MELK: variants seen among roughly 807,000 people sequenced by gnomAD.
MELK encodes pEg3 kinase.
MELK carries 81 observed loss-of-function variants against 85.0 expected under a neutral mutation model. That is an observed-to-expected ratio of 0.95 (90% CI 0.80 to 1.15). The LOEUF is 1.15. Ranked by LOEUF, MELK falls within the 50% of genes most tolerant of loss-of-function variation. The pLI is 0.00. For synonymous variants in MELK, 252 were observed against 265.0 expected, an observed-to-expected ratio of 0.95 and a Z score of 0.48; for missense variants, 754 against 777.5, an observed-to-expected ratio of 0.97 and a Z score of 0.36.
chr9:36,669,502 A>G (rs1264514897), intron 15 of MELK, 96 bp downstream of exon 15: 2 of 872,342 alleles, frequency 2.3e-6, no homozygotes, highest in Non-Finnish European at 1.7e-6. Flanking sequence ...AAATCATCAC[A>G]TAGATTCTGT....
intron 4 of MELK, among the ~76,000 whole-genome samples, chr9:36,589,977 A>G (rs1215465948): frequency 5.7e-5 from 8 of 140,228 alleles, no homozygotes; most frequent in Non-Finnish European, 1.2e-4. Flanking sequence ...GCTGAAGTGC[A>G]GTGATGCCAT....
intron 7 of MELK, chr9:36,606,743 A>ATATATAATATATATAATAAATAATC (rs1825591092): frequency 6.8e-6 from 1 of 147,928 alleles, no homozygotes; most frequent in South Asian, 2.1e-4. Context: ...ACATATATAC[A>ATATATAATATATATAATAAATAATC]TATATAATAT....
chr9:36,618,958 TA>T (rs1240494973), intron 8 of MELK, among the ~76,000 whole-genome samples: 26 of 138,856 alleles, frequency 1.9e-4, no homozygotes, highest in African/African-American at 6.4e-4. Flanking sequence ...CAACTCTAAG[TA>T]TTTTTTTTTT....
chr9:36,591,652 C>G (rs1268376226), intron 4 of MELK, among the ~76,000 whole-genome samples: 1 of 151,884 alleles, frequency 6.6e-6, no homozygotes, highest in Non-Finnish European at 1.5e-5. Flanking sequence ...AGAGAGTGGC[C>G]GGGTGCAGTG....
intron 11 of MELK, among the ~76,000 whole-genome samples, 164 bp downstream of exon 11, chr9:36,643,247 G>C (rs939210677): frequency 6.6e-6 from 1 of 152,186 alleles, no homozygotes; most frequent in Non-Finnish European, 1.5e-5. Context: ...GCCAGGTGTG[G>C]TGGCACGTGC....
In MELK at chr9:36,589,463, A is replaced by C. The variant is rs935766931; in HGVS notation, c.145-73A>C. The C allele has an allele frequency of 5.7e-6, 7 of 1,235,700 alleles. No individual in the cohort carries two copies. The African/African-American group carries it at 1.0e-4, about 18-fold the overall frequency. The allele number at this position is 1,235,700 out of a possible 1,614,324, so 76.5% of individuals were successfully genotyped here. A position where few individuals can be genotyped will look rare whatever the true frequency, so the allele number is the denominator to read the frequency against. On this transcript the variant is annotated intron_variant, in intron 3 of 17. Transcript: ENST00000298048. ...TGCCCGGCCAGCTACTTAGTATTAAAGCTGTTAGTATTGGAGCTTGGAACA... is the reference window on the plus strand; with the variant it reads ...TGCCCGGCCAGCTACTTAGTATTAACGCTGTTAGTATTGGAGCTTGGAACA...
chr9:36,601,340 T>G (rs1824903720), intron 7 of MELK, among the ~76,000 whole-genome samples: 1 of 151,938 alleles, frequency 6.6e-6, no homozygotes, highest in South Asian at 2.1e-4. Flanking sequence ...CTTTCTTTAT[T>G]TTTTTTGATC....
intron 1 of MELK, among the ~76,000 whole-genome samples, chr9:36,573,794 A>C (rs1821349652): frequency 6.6e-6 from 1 of 152,174 alleles, no homozygotes; most frequent in South Asian, 2.1e-4. Flanking sequence ...GGCGTGAGCC[A>C]CCACGCCCGG....
At chr9:36,592,557 T>C (rs1164891665) in intron 4 of MELK, among the ~76,000 whole-genome samples, 1 of 152,118 alleles carries the variant, frequency 6.6e-6, no homozygotes, top group East Asian at 1.9e-4. Flanking sequence ...TATACGTATG[T>C]GTATTTTATA....
intron 8 of MELK, 56 bp from the exon 9 acceptor site, chr9:36,630,243 G>A (rs375932682): frequency 2.3e-5 from 30 of 1,314,660 alleles, no homozygotes; most frequent in Non-Finnish European, 3.2e-5. Flanking sequence ...TATTACCTAA[G>A]GAATTTGTGT....
chr9:36,632,792 G>A (rs1033278765), intron 9 of MELK, among the ~76,000 whole-genome samples: 11 of 152,166 alleles, frequency 7.2e-5, no homozygotes, highest in Non-Finnish European at 1.0e-4. Flanking sequence ...AATATTTCCC[G>A]TGAATAGGTT....
At chr9:36,670,172 G>A (rs997608277) in intron 15 of MELK, among the ~76,000 whole-genome samples, 3 of 152,060 alleles carry the variant, frequency 2.0e-5, no homozygotes, top group Admixed American at 6.5e-5. Flanking sequence ...AACATTATCC[G>A]TTAGTATTTG....
chr9:36,632,982 G>A, intron 9 of MELK, 120 bp from the exon 10 acceptor site: 1 of 716,666 alleles, frequency 1.4e-6, no homozygotes, highest in South Asian at 1.7e-5. Context: ...GTCTTTGACA[G>A]CATTTTTGTG....
At chr9:36,638,919 G>A (rs1051777778) in intron 10 of MELK, among the ~76,000 whole-genome samples, 2 of 152,118 alleles carry the variant, frequency 1.3e-5, no homozygotes, top group African/African-American at 4.8e-5. Flanking sequence ...ACACCGAAGG[G>A]TTCTGGAATG....
intron 3 of MELK, among the ~76,000 whole-genome samples, chr9:36,586,188 A>G (rs1266492690): frequency 6.6e-6 from 1 of 151,976 alleles, no homozygotes; most frequent in Non-Finnish European, 1.5e-5. Flanking sequence ...GAAAAATACA[A>G]AAAATTTCGC....
chr9:36,641,618 T>TC (rs1829762735), intron 10 of MELK, among the ~76,000 whole-genome samples: 1 of 139,188 alleles, frequency 7.2e-6, no homozygotes, highest in South Asian at 2.4e-4. Context: ...TTTTTTTTTT[T>TC]TTTTTGGAGA....
chr9:36,581,232 G>T (rs1336564285), intron 1 of MELK, among the ~76,000 whole-genome samples: 1 of 151,606 alleles, frequency 6.6e-6, no homozygotes, highest in East Asian at 1.9e-4. Flanking sequence ...ATGTGGTCTT[G>T]CTATGTTGCC....
chr9:36,674,934 A>G lies in MELK; in HGVS notation c.1775A>G (p.Lys592Arg). ...LPKKHVDFVQ[K>R]GYTLKCQTQS... ...AAGAAGCATGTTGACTTTGTACAAA[A>G]GGGGTAAGAAGCACATTTACAAGCT... Residue 592 changes from lysine (K) to arginine (R), a missense_variant, in exon 17 of 18, where the codon AAG becomes AGG. By Grantham distance (26) the Lys-to-Arg change is conservative (BLOSUM62 2). Transcript: ENST00000298048. 1 of 1,558,690 alleles carries G rather than the reference A, an allele frequency of 6.4e-7. No individual in the cohort carries two copies. The highest frequency in any genetic ancestry group is 1.4e-5 in the African/African-American group (1 of 73,900).
chr9:36,624,693 T>C (rs1253748754), intron 8 of MELK, among the ~76,000 whole-genome samples: 1 of 152,202 alleles, frequency 6.6e-6, no homozygotes, highest in Non-Finnish European at 1.5e-5. Flanking sequence ...GCTCTCTTTA[T>C]TTAGTACTTT....
Sources: allele counts gnomAD v4.1 joint callset (sites outside exome capture counted in the v4.1 genomes callset), GRCh38; gene constraint gnomAD v4.1.1; transcripts MANE v1.5; gene names NCBI Gene and HGNC (gene_info 2026-07-23, HGNC 2026-07-21).